RHCE: variants seen among roughly 807,000 people sequenced by gnomAD.
The protein encoded by RHCE is Rh blood group CcEe antigens.
Under a neutral mutation model 43.8 loss-of-function variants are expected in RHCE, and 22 were observed. The ratio of observed to expected loss-of-function variants is 0.50; its 90% CI spans 0.36 to 0.72. The LOEUF (loss-of-function observed/expected upper bound fraction) is 0.72. RHCE is among the 30% of genes least tolerant of loss of function. The probability of loss-of-function intolerance (pLI) is 0.00; values close to 1 mark genes in which losing one functional copy is unlikely to be tolerated. For synonymous variants in RHCE, 156 were observed against 210.7 expected, an observed-to-expected ratio of 0.74 and a Z score of 2.25; for missense variants, 385 against 525.4, an observed-to-expected ratio of 0.73 and a Z score of 2.61.
chr1:25,369,115 GGAA>G (rs754207049), intron 9 of RHCE, among the ~76,000 whole-genome samples: 13 of 151,914 alleles, frequency 8.6e-5, no homozygotes, highest in Non-Finnish European at 1.5e-4. Context: ...TATTTGAAGA[GGAA>G]GAAGAAGAGA....
intron 7 of RHCE, among the ~76,000 whole-genome samples, chr1:25,378,437 GATAA>G (rs1437948080): frequency 7.2e-5 from 11 of 152,150 alleles, no homozygotes; most frequent in African/African-American, 2.2e-4. Flanking sequence ...CTCAATAATG[GATAA>G]ATAAATTCTG....
chr1:25,376,512 C>T (rs1645791655), intron 7 of RHCE, among the ~76,000 whole-genome samples: 1 of 152,180 alleles, frequency 6.6e-6, no homozygotes, highest in Non-Finnish European at 1.5e-5. Flanking sequence ...GGTTATCTTC[C>T]CTGTCTTTAC....
intron 1 of RHCE, among the ~76,000 whole-genome samples, chr1:25,419,200 G>A (rs1263152747): frequency 3.3e-5 from 5 of 152,204 alleles, no homozygotes; most frequent in Non-Finnish European, 7.3e-5. Flanking sequence ...GTAGAATAGT[G>A]CCTGGTACAT....
At chr1:25,378,595 G>A (rs533252975) in intron 7 of RHCE, among the ~76,000 whole-genome samples, 80 of 152,280 alleles carry the variant, frequency 5.3e-4, no homozygotes, top group African/African-American at 8.2e-4. Flanking sequence ...TCTCAGGCAT[G>A]GGAAACTCAT....
At chr1:25,380,974 T>C (rs1019903773) in intron 7 of RHCE, among the ~76,000 whole-genome samples, 4 of 148,410 alleles carry the variant, frequency 2.7e-5, no homozygotes, top group Non-Finnish European at 5.9e-5. Flanking sequence ...CGATCTCGGC[T>C]CACTGCAAGC....
chr1:25,411,287 A>T, intron 1 of RHCE: 5 of 1,548,316 alleles, frequency 3.2e-6, no homozygotes, highest in Non-Finnish European at 4.4e-6. Flanking sequence ...ACACTCAATA[A>T]ATAGTGGCTG....
At chr1:25,419,241 A>G (rs2042693051) in intron 1 of RHCE, among the ~76,000 whole-genome samples, 1 of 152,216 alleles carries the variant, frequency 6.6e-6, no homozygotes, top group African/African-American at 2.4e-5. Flanking sequence ...AGTTCTAATC[A>G]TCATGTGTCT....
At chr1:25,379,489 ATATATATTTTTTTTTTTT>A (rs1350561986) in intron 7 of RHCE, among the ~76,000 whole-genome samples, 566 of 19,168 alleles carry the variant, frequency 0.03, 1 homozygote, top group Non-Finnish European at 0.033. Flanking sequence ...ATATATATAT[ATATATATTTTTTTTTTTT>A]TTTTTTTTTT....
intron 2 of RHCE, among the ~76,000 whole-genome samples, chr1:25,407,560 G>A (rs1216135391): frequency 8.1e-6 from 1 of 123,648 alleles, no homozygotes; most frequent in African/African-American, 2.5e-5. Context: ...AGGGGAGGCT[G>A]GAATGGCCTT....
rs558926849 is a variant in RHCE, at chr1:25,399,057, G to C, written c.486+3539C>G. On this transcript the variant is annotated intron_variant, in intron 3 of 9. Coordinates refer to ENST00000294413, the MANE Select transcript of RHCE (RefSeq NM_020485.8). ...CTGGGGCCTTGGACAAGTTGTTACTGACTATGTTCATGGGGATGCCTCGCA... is the reference window on the plus strand; with the variant it reads ...CTGGGGCCTTGGACAAGTTGTTACTCACTATGTTCATGGGGATGCCTCGCA... 5.0e-4 allele frequency: 797 copies of C among 1,606,182 alleles called. 3 individuals are homozygous for C. The highest frequency in any genetic ancestry group is 6.4e-4 in the Non-Finnish European group (751 of 1,174,512).
chr1:25,393,376 T>G (rs1348785146), intron 3 of RHCE, among the ~76,000 whole-genome samples: 1 of 152,124 alleles, frequency 6.6e-6, no homozygotes, highest in Admixed American at 6.5e-5. Context: ...ATCTCAGCAC[T>G]TTGGGAGGCT....
At chr1:25,410,769 C>T (rs1647048874) in intron 1 of RHCE, among the ~76,000 whole-genome samples, 4 of 152,126 alleles carry the variant, frequency 2.6e-5, no homozygotes, top group Non-Finnish European at 5.9e-5. Context: ...TGTTCGATCC[C>T]AGCTCTATCA....
chr1:25,385,677 G>A, intron 7 of RHCE, 34 bp downstream of exon 7: 1 of 1,613,946 alleles, frequency 6.2e-7, no homozygotes, highest in Non-Finnish European at 8.5e-7. Context: ...GGAGGGGAGT[G>A]TTAAGGGGAT....
Position 25,369,459 on chromosome 1 carries a change from T to C in RHCE, c.1227+1008A>G, listed in dbSNP as rs184995517. On this transcript the variant is annotated intron_variant, in intron 9 of 9. Coordinates refer to ENST00000294413, the MANE Select transcript of RHCE (RefSeq NM_020485.8). ...GGCCTAAGGGGACACATCAGAGTGC[T>C]GCGTGAACTATGAGTGTAGGTCAAA... Among the ~76,000 whole-genome samples the C allele has an allele frequency of 2.3e-3, 350 of 151,754 alleles. 17 individuals are homozygous for C. The highest frequency in any genetic ancestry group is 8.0e-3 in the African/African-American group (330 of 41,096).
intron 4 of RHCE, 75 bp from the exon 5 acceptor site, chr1:25,390,990 GA>G (rs1217847360): frequency 6.3e-7 from 1 of 1,598,694 alleles, no homozygotes; most frequent in African/African-American, 1.3e-5. Flanking sequence ...GGTTTTGGAT[GA>G]GAATCCTAGG....
intron 1 of RHCE, among the ~76,000 whole-genome samples, chr1:25,414,556 G>A (rs1453525567): frequency 6.6e-6 from 1 of 152,136 alleles, no homozygotes; most frequent in Non-Finnish European, 1.5e-5. Flanking sequence ...AGTGTGGAAG[G>A]TGCCAGGGTT....
Position 25,373,107 on chromosome 1 carries a change from AC to A in RHCE, c.1153+2241del, listed in dbSNP as rs1645664615. Among the ~76,000 whole-genome samples the A allele has an allele frequency of 3.3e-5, 5 of 151,632 alleles. No homozygotes were observed. The South Asian group carries it at 1.0e-3, about 31-fold the overall frequency. On this transcript the variant is annotated intron_variant, in intron 8 of 9. Transcript: ENST00000294413. ...TGAGCCACCCAAGTTGTTTTTAATC[AC>A]CAGTTTGCTCATGTCAAAAACAACA...
intron 1 of RHCE, 53 bp downstream of exon 1, chr1:25,420,586 C>T (rs1205077264): frequency 3.0e-5 from 48 of 1,613,720 alleles, no homozygotes; most frequent in Non-Finnish European, 4.1e-5. Context: ...AGGCCTCCCC[C>T]GCCCCTGCCC....
intron 3 of RHCE, chr1:25,399,091 C>T (rs1646649497): frequency 3.8e-6 from 6 of 1,593,648 alleles, no homozygotes; most frequent in African/African-American, 1.3e-5. Context: ...CAGAAAGCTG[C>T]CAAGGCAGGG....
Sources: gnomAD v4.1 joint callset for allele counts (sites outside exome capture counted in the v4.1 genomes callset) on GRCh38, gnomAD v4.1.1 for gene constraint, MANE v1.5 for transcripts, NCBI Gene and HGNC (gene_info 2026-07-23, HGNC 2026-07-21) for gene names.